SYTL2: variants seen among roughly 807,000 people sequenced by gnomAD.
SYTL2 encodes the protein synaptotagmin like 2.
SYTL2 carries 165 observed loss-of-function variants against 198.7 expected under a neutral mutation model. The observed-to-expected ratio is 0.83, with a 90% CI of 0.73 to 0.94. The LOEUF is 0.94. Among genes scored for constraint, SYTL2 ranks in the 40% least tolerant of loss-of-function variants. The pLI, the probability that SYTL2 is intolerant of heterozygous loss-of-function variation, is 0.00. For synonymous variants in SYTL2, 966 were observed against 917.7 expected (o/e 1.05, Z -0.95); for missense variants, 2,835 against 2,582.8 (o/e 1.10, Z -2.12).
At chr11:85,722,395 C>T (rs1424362556) in intron 8 of SYTL2, among the ~76,000 whole-genome samples, 5 of 151,950 alleles carry the variant, frequency 3.3e-5, no homozygotes, top group Non-Finnish European at 5.9e-5. Context: ...AGGATGGTCT[C>T]GATATCCTCA....
chr11:85,774,218 A>C (rs115154472), intron 1 of SYTL2, among the ~76,000 whole-genome samples: 36 of 152,374 alleles, frequency 2.4e-4, no homozygotes, highest in African/African-American at 3.1e-4. Context: ...GAAGGAACTG[A>C]CATTTAATCT....
intron 1 of SYTL2, among the ~76,000 whole-genome samples, chr11:85,805,564 G>A (rs1257356203): frequency 6.6e-6 from 1 of 152,168 alleles, no homozygotes; most frequent in African/African-American, 2.4e-5. Context: ...AAAGCCCTGT[G>A]TTTTAATCAA....
intron 12 of SYTL2, among the ~76,000 whole-genome samples, chr11:85,712,691 C>CAT (rs941377530): frequency 3.4e-5 from 5 of 145,910 alleles, no homozygotes; most frequent in South Asian, 2.2e-4. Context: ...CTCGAAAATA[C>CAT]ATATACACAC....
the SYTL2 span, among the ~76,000 whole-genome samples, chr11:85,839,113 A>G: frequency 6.6e-6 from 1 of 152,180 alleles, no homozygotes; most frequent in African/African-American, 2.4e-5. Context: ...TACATGGGGG[A>G]TATTCATGAG....
At chr11:85,706,839 T>G (rs890756822) in intron 15 of SYTL2, among the ~76,000 whole-genome samples, 1 of 140,606 alleles carries the variant, frequency 7.1e-6, no homozygotes, top group Non-Finnish European at 1.5e-5. Context: ...TTTTTTGTTT[T>G]GTTTTGTTGT....
At chr11:85,710,868 AT>A (rs1358220001) in intron 13 of SYTL2, among the ~76,000 whole-genome samples, 1 of 152,138 alleles carries the variant, frequency 6.6e-6, no homozygotes, top group Non-Finnish European at 1.5e-5. Context: ...ATTTAAGTTT[AT>A]TTGTGAAGTA....
rs182218202 is a variant in SYTL2 at position 85,748,465 on chromosome 11, T to C, written c.102-42A>G. On this transcript the variant is annotated intron_variant, in intron 2 of 19. Coordinates refer to ENST00000359152, the MANE Select transcript of SYTL2 (RefSeq NM_206927.4). ...TCTTTAGTTTGCTGAGAACCCACAG[T>C]AAATAAATGAGTTCATTATGACACC... 21 of 1,601,782 alleles carry C rather than the reference T, an allele frequency of 1.3e-5. No homozygotes were observed. In the Admixed American group the frequency reaches 2.2e-4, roughly 17 times the overall value.
chr11:85,778,850 G>C (rs1482343992), intron 1 of SYTL2, among the ~76,000 whole-genome samples: 1 of 152,102 alleles, frequency 6.6e-6, no homozygotes, highest in Non-Finnish European at 1.5e-5. Flanking sequence ...AGTGGTGCAT[G>C]CCAAGTAGTC....
chr11:85,779,457 G>T (rs548190760), intron 1 of SYTL2, among the ~76,000 whole-genome samples: 1 of 152,266 alleles, frequency 6.6e-6, no homozygotes, highest in African/African-American at 2.4e-5. Flanking sequence ...GAGGAACTGG[G>T]TTCAGAGAAG....
intron 7 of SYTL2, among the ~76,000 whole-genome samples, chr11:85,732,120 T>C (rs922915768): frequency 6.6e-6 from 1 of 152,146 alleles, no homozygotes; most frequent in Admixed American, 6.5e-5. Flanking sequence ...TGTGGAGAAA[T>C]AGGAACGCTT....
chr11:85,733,479 A>G (rs1215535452), intron 7 of SYTL2: 1 of 153,834 alleles, frequency 6.5e-6, no homozygotes, highest in African/African-American at 2.4e-5. Flanking sequence ...TAAGAGGTAT[A>G]AACATTTCCA....
intron 14 of SYTL2, chr11:85,707,956 CAA>C (rs11464135): frequency 5.6e-3 from 479 of 85,634 alleles, no homozygotes; most frequent in South Asian, 0.029. Flanking sequence ...AGGCTGGTCT[CAA>C]AAAAAAAAAA....
At chr11:85,752,410 A>C (rs1475605644) in intron 2 of SYTL2, among the ~76,000 whole-genome samples, 1 of 152,152 alleles carries the variant, frequency 6.6e-6, no homozygotes, top group African/African-American at 2.4e-5. Context: ...AGCTGGCAGC[A>C]GAAGCCAGTC....
intron 1 of SYTL2, among the ~76,000 whole-genome samples, chr11:85,797,051 T>C (rs369927282): frequency 1.8e-4 from 28 of 152,134 alleles, no homozygotes; most frequent in African/African-American, 6.7e-4. Flanking sequence ...ATGATCCAGG[T>C]GCAGTGGCAT....
intron 3 of SYTL2, among the ~76,000 whole-genome samples, chr11:85,748,045 G>C (rs1190767938): frequency 5.3e-5 from 8 of 152,028 alleles, no homozygotes; most frequent in Non-Finnish European, 2.9e-5. Flanking sequence ...AATTCAACAG[G>C]GCACCTAAAG....
chr11:85,716,300 G>C (rs919455390), intron 11 of SYTL2: 3 of 152,306 alleles, frequency 2.0e-5, no homozygotes, highest in South Asian at 2.1e-4. Context: ...CTTAGGGGCA[G>C]AAGGCTTGTT....
chr11:85,819,400 C>A, the SYTL2 span, among the ~76,000 whole-genome samples: 3 of 152,100 alleles, frequency 2.0e-5, no homozygotes, highest in Non-Finnish European at 4.4e-5. Context: ...GTTCTGTTGC[C>A]GCACTCACTA....
In SYTL2 at chr11:85,724,101, C is replaced by T. The variant is rs769928026; in HGVS notation, c.5257G>A (p.Gly1753Ser). The T allele has an allele frequency of 3.8e-6, 6 of 1,579,890 alleles. No homozygotes were observed. The highest frequency in any genetic ancestry group is 4.5e-5 in the East Asian group (2 of 44,070). ...MKQEKEEEKE[G>S]FSESDFSDGN... is the part of the protein sequence containing the mutation. The stretch of plus-strand genomic sequence containing the variant: ...TCTGAAAAATCAGACTCAGAGAAAC[C>T]TTCTTTTTCTTCCTCTTTCTCTTGT... Residue 1753 changes from glycine (G) to serine (S), a missense_variant, in exon 8 of 20, where the codon GGT (glycine) becomes AGT (serine). Around this residue, in one of 3 missense-constraint regions of SYTL2, gnomAD observed 2,645 missense variants for 2,381.7 expected, o/e 1.11. Coordinates refer to ENST00000359152, the MANE Select transcript of SYTL2 (RefSeq NM_206927.4).
intron 1 of SYTL2, among the ~76,000 whole-genome samples, chr11:85,770,535 A>T (rs1591979154): frequency 6.6e-6 from 1 of 152,274 alleles, no homozygotes; most frequent in East Asian, 1.9e-4. Flanking sequence ...CAGTATTGGC[A>T]TCCTTCTCAT....
Sources: gnomAD v4.1 joint callset for allele counts (sites outside exome capture counted in the v4.1 genomes callset) on GRCh38, gnomAD v4.1.1 for gene constraint, gnomAD v4.1.1 regional missense constraint, MANE v1.5 for transcripts, NCBI Gene and HGNC (gene_info 2026-07-23, HGNC 2026-07-21) for gene names.